Variants in CHD9 observed in about 807,000 individuals in gnomAD.
CHD9 encodes ATP-dependent chromatin remodeler CHD9.
A neutral mutation model predicts 316.1 loss-of-function variants in CHD9; 77 were observed. That is an observed-to-expected ratio of 0.24 (90% CI 0.20 to 0.29). The LOEUF (loss-of-function observed/expected upper bound fraction) is 0.29, where lower values mean the gene tolerates loss of function less well. Among genes scored for constraint, CHD9 ranks in the 10% least tolerant of loss-of-function variants. The pLI, the probability that CHD9 is intolerant of heterozygous loss-of-function variation, is 1.00. For synonymous variants in CHD9, 1,129 were observed against 1,158.3 expected (o/e 0.97, Z 0.51); for missense variants, 2,763 against 3,438.1 (o/e 0.80, Z 4.91).
chr16:53,286,653 A>G (rs1342459548), intron 26 of CHD9, among the ~76,000 whole-genome samples: 1 of 152,174 alleles, frequency 6.6e-6, no homozygotes, highest in Non-Finnish European at 1.5e-5. Flanking sequence ...CAAGAATGTT[A>G]TAGTTGATGA....
chr16:53,262,872 C>G (rs1044476791), intron 19 of CHD9, 115 bp from the exon 20 acceptor site: 3 of 815,176 alleles, frequency 3.7e-6, no homozygotes, highest in Middle Eastern at 2.5e-4. Flanking sequence ...TTTGAAACAC[C>G]CTTTGATGTA....
chr16:53,074,008 G>A (rs919148181), intron 1 of CHD9, among the ~76,000 whole-genome samples: 2 of 152,170 alleles, frequency 1.3e-5, no homozygotes, highest in East Asian at 3.9e-4. Flanking sequence ...GGAAAGTTTG[G>A]AACTTCCTAG....
chr16:53,289,743 A>G (rs1325565157), intron 27 of CHD9, among the ~76,000 whole-genome samples: 2 of 152,332 alleles, frequency 1.3e-5, no homozygotes, highest in Non-Finnish European at 2.9e-5. Context: ...CTCCCAAGGA[A>G]GAGTCCCATC....
At chr16:53,224,856 A>G (rs118106415) in intron 4 of CHD9, among the ~76,000 whole-genome samples, 552 of 152,328 alleles carry the variant, frequency 3.6e-3, no homozygotes, top group Middle Eastern at 0.024. Flanking sequence ...CCCCTCCTAG[A>G]GAATAATAGT....
intron 2 of CHD9, among the ~76,000 whole-genome samples, chr16:53,178,244 G>A (rs751141831): frequency 4.6e-5 from 7 of 152,062 alleles, no homozygotes; most frequent in Non-Finnish European, 8.8e-5. Flanking sequence ...TGTAAAAGCC[G>A]GTGTTTTCTT....
At chr16:53,297,962 A>G (rs1331130939) in intron 30 of CHD9, among the ~76,000 whole-genome samples, 1 of 152,276 alleles carries the variant, frequency 6.6e-6, no homozygotes, top group Non-Finnish European at 1.5e-5. Context: ...TTAAAATGAC[A>G]GCTAAAGCAA....
At chr16:53,101,119 G>C (rs1372652039) in intron 1 of CHD9, among the ~76,000 whole-genome samples, 1 of 152,072 alleles carries the variant, frequency 6.6e-6, no homozygotes, top group Non-Finnish European at 1.5e-5. Context: ...CATCTAACAA[G>C]CAGCCCCACA....
At chr16:53,275,085 G>T (rs1362494989) in intron 24 of CHD9, among the ~76,000 whole-genome samples, 1 of 152,160 alleles carries the variant, frequency 6.6e-6, no homozygotes, top group East Asian at 1.9e-4. Context: ...AGTCTGGAGT[G>T]CAGTGGCATG....
At chr16:53,087,727 C>A (rs1265236082) in intron 1 of CHD9, among the ~76,000 whole-genome samples, 18 of 152,102 alleles carry the variant, frequency 1.2e-4, no homozygotes, top group Non-Finnish European at 2.4e-4. Flanking sequence ...GCAGGAGGAT[C>A]ACTTGAGGTC....
At chr16:53,284,652 A>T (rs1254608372) in intron 24 of CHD9, among the ~76,000 whole-genome samples, 1 of 152,214 alleles carries the variant, frequency 6.6e-6, no homozygotes, top group African/African-American at 2.4e-5. Flanking sequence ...GTTACTTATA[A>T]AATCAGTCAA....
chr16:53,188,121 T>C lies in CHD9; in HGVS notation c.1453-21361T>C, dbSNP rs560785637. Among the ~76,000 whole-genome samples the C allele has an allele frequency of 6.6e-5, 10 of 152,352 alleles. No homozygotes were observed. The East Asian group carries it at 1.7e-3, about 26-fold the overall frequency. On this transcript the variant is annotated intron_variant, in intron 2 of 38. Transcript: ENST00000447540. Reference sequence around the variant, plus strand: ...AAATAATGTGATTATGATGGGCTTCTTAGCATAATATTTTCAGAGTTCATA... The same window carrying C: ...AAATAATGTGATTATGATGGGCTTCCTAGCATAATATTTTCAGAGTTCATA...
rs1293820349 is a variant in CHD9, at chr16:53,273,627, C to T, written c.4719C>T (p.Gly1573=). The change falls in exon 23 of 39, where the codon GGC becomes GGT. Residue 1573 remains glycine (G), a splice_region_variant and synonymous_variant. Transcript: ENST00000447540. ...ATTTATATGTCCTTATTTTAACAGG[C>T]CTATCAGCTCCTGTACCCAGGGGTC... ...GQTRELQNHL[G]LSAPVPRGRK... The T allele has an allele frequency of 1.3e-6, 2 of 1,589,328 alleles. No homozygotes were observed. The highest frequency in any genetic ancestry group is 3.6e-5 in the Admixed American group (2 of 54,838).
chr16:53,092,174 G>T (rs1287041776), intron 1 of CHD9, among the ~76,000 whole-genome samples: 2 of 152,200 alleles, frequency 1.3e-5, no homozygotes, highest in African/African-American at 4.8e-5. Flanking sequence ...GGGGGCTGCA[G>T]TTCATCTCCA....
intron 1 of CHD9, among the ~76,000 whole-genome samples, chr16:53,118,225 T>C (rs973862049): frequency 6.6e-6 from 1 of 152,112 alleles, no homozygotes; most frequent in South Asian, 2.1e-4. Flanking sequence ...GAGACCAGCA[T>C]GGCCAACATG....
In CHD9 at chr16:53,078,085, A is replaced by C. The variant is rs147468926; in HGVS notation, c.-165+23008A>C. 9.3e-3 allele frequency among the ~76,000 whole-genome samples: 1,419 copies of C among 152,286 alleles called. 29 individuals carry two copies. Among genetic ancestry groups the C allele is most frequent in the African/African-American group, 0.032 (1,323 of 41,544 alleles). ...TGAAACCATGTCTCAGAAAAGGAAA[A>C]AGAGAAAAAAATATATATATACAAT... On this transcript the variant is annotated intron_variant, in intron 1 of 38. Coordinates refer to ENST00000447540, the MANE Select transcript of CHD9 (RefSeq NM_001308319.2).
intron 1 of CHD9, among the ~76,000 whole-genome samples, chr16:53,081,525 C>T (rs2035013240): frequency 2.6e-5 from 4 of 152,122 alleles, no homozygotes; most frequent in South Asian, 2.1e-4. Flanking sequence ...TATGAGTAGG[C>T]GTGTCTTATT....
At chr16:53,152,522 A>C (rs1016474975) in intron 1 of CHD9, among the ~76,000 whole-genome samples, 2 of 152,210 alleles carry the variant, frequency 1.3e-5, no homozygotes, top group Admixed American at 6.5e-5. Flanking sequence ...AGCTGAAGGC[A>C]GAGAGCTGTT....
chr16:53,184,068 C>T (rs2152812203), intron 2 of CHD9, among the ~76,000 whole-genome samples: 1 of 152,172 alleles, frequency 6.6e-6, no homozygotes, highest in Middle Eastern at 3.4e-3. Context: ...CCTCAGCCTC[C>T]CAAGTAGCTG....
In CHD9 at chr16:53,238,425, G is replaced by A; in HGVS notation, c.2716G>A (p.Gly906Ser). 2 of 1,613,004 alleles carry A rather than the reference G, an allele frequency of 1.2e-6. No individual in the cohort carries two copies. The highest frequency in any genetic ancestry group is 2.2e-5 in the East Asian group (1 of 44,824). The change falls in exon 12 of 39, where the codon GGT (glycine) becomes AGT (serine). Residue 906 changes from glycine to serine, a missense_variant. Physicochemically the swap from Gly to Ser is moderately conservative, Grantham distance 56. This residue lies in a region of CHD9 where 186 missense variants were observed against 245.0 expected (regional missense o/e 0.76). Coordinates refer to ENST00000447540, the MANE Select transcript of CHD9 (RefSeq NM_001308319.2). The part of the protein sequence containing the change: ...ITFLYEILLT[G>S]IRGPFLIIAP... ...ATTCCTCTATGAAATCCTTCTGACT[G>A]GTATAAGAGGACCTTTCCTGATTAT...
Sources: gnomAD v4.1 joint callset for allele counts (sites outside exome capture counted in the v4.1 genomes callset) on GRCh38, gnomAD v4.1.1 for gene constraint, gnomAD v4.1.1 regional missense constraint, MANE v1.5 for transcripts, NCBI Gene and HGNC (gene_info 2026-07-23, HGNC 2026-07-21) for gene names.